Variants in AGBL4 observed in about 807,000 individuals in gnomAD.
AGBL4 encodes the protein AGBL carboxypeptidase 4, also known as cytosolic carboxypeptidase 6.
AGBL4 carries 58 observed loss-of-function variants against 66.4 expected under a neutral mutation model. That is an observed-to-expected ratio of 0.87 (90% CI 0.71 to 1.09). The LOEUF is 1.09. Ranked by LOEUF, AGBL4 falls within the 50% of genes least tolerant of loss-of-function variation. AGBL4 has a pLI of 0.00. For missense variants in AGBL4, 579 were observed against 631.0 expected (o/e 0.92, Z 0.88); for synonymous variants, 234 against 222.9 (o/e 1.05, Z -0.44).
At chr1:49,240,552 T>C (rs1651142311) in intron 4 of AGBL4, among the ~76,000 whole-genome samples, 1 of 2,494 alleles carries the variant, frequency 4.0e-4, no homozygotes, top group South Asian at 9.6e-3. Context: ...CTGCATTTTC[T>C]TTTTTTTTTT....
intron 4 of AGBL4, 120 bp from the exon 5 acceptor site, chr1:49,045,920 G>T (rs1644068291): frequency 1.2e-6 from 1 of 832,892 alleles, no homozygotes; most frequent in Admixed American, 2.8e-5. Context: ...GGGTGATGGG[G>T]CTGGGAGAAT....
intron 3 of AGBL4, among the ~76,000 whole-genome samples, chr1:49,615,963 A>G (rs908391129): frequency 2.6e-5 from 4 of 152,132 alleles, no homozygotes; most frequent in African/African-American, 9.7e-5. Flanking sequence ...CCTATTCCTC[A>G]TCTTACCACT....
chr1:50,005,278 G>C (rs563389610), intron 1 of AGBL4, among the ~76,000 whole-genome samples: 1 of 152,224 alleles, frequency 6.6e-6, no homozygotes, highest in South Asian at 2.1e-4. Flanking sequence ...CTCAGCTCCA[G>C]GCATCCCAAT....
chr1:49,529,101 G>A (rs1395816689), intron 3 of AGBL4, among the ~76,000 whole-genome samples: 1 of 152,060 alleles, frequency 6.6e-6, no homozygotes, highest in Non-Finnish European at 1.5e-5. Flanking sequence ...TGGGGGTGCA[G>A]GGCTGTAATC....
At chr1:49,229,520 C>A (rs1030710413) in intron 4 of AGBL4, among the ~76,000 whole-genome samples, 1 of 152,174 alleles carries the variant, frequency 6.6e-6, no homozygotes, top group East Asian at 1.9e-4. Context: ...GCATATTTAT[C>A]AGCAAATGTT....
intron 3 of AGBL4, among the ~76,000 whole-genome samples, chr1:49,343,057 T>C (rs1322422942): frequency 6.6e-6 from 1 of 152,170 alleles, no homozygotes; most frequent in Non-Finnish European, 1.5e-5. Context: ...TAAAAGACCT[T>C]TATGCTTTTT....
At position 48,708,082 on chromosome 1, in the gene AGBL4, T is replaced by C. The variant is rs375170362; in HGVS notation, c.635-44841A>G. Among the ~76,000 whole-genome samples, 4 of 152,300 alleles carry C rather than the reference T, an allele frequency of 2.6e-5. 1 individual carries two copies. The highest frequency in any genetic ancestry group is 9.6e-5 in the African/African-American group (4 of 41,566). On this transcript the variant is annotated intron_variant, in intron 6 of 13. Coordinates refer to ENST00000371839, the MANE Select transcript of AGBL4 (RefSeq NM_032785.4). ...GAGGCTTAGAGAGAGGTGAAAGGAT[T>C]TTCCAAGGTAACATGGGATTTTCCA... is the stretch of plus-strand genomic sequence containing the variant.
In AGBL4 at chr1:48,759,160, T is replaced by C. The variant is rs1644119668; in HGVS notation, c.635-95919A>G. 6.2e-7 allele frequency: 1 copy of C among 1,614,064 alleles called. No homozygotes were observed. The highest frequency in any genetic ancestry group is 1.7e-5 in the Admixed American group (1 of 60,000). ...CATGTCCTCTGTGCCTGGCGAGGCC[T>C]CCACGAAGACCTCTTCCGGACACGT... On this transcript the variant is annotated intron_variant, in intron 6 of 13. Coordinates refer to ENST00000371839, the MANE Select transcript of AGBL4 (RefSeq NM_032785.4).
At chr1:49,567,502 A>G (rs1644236829) in intron 3 of AGBL4, among the ~76,000 whole-genome samples, 1 of 152,182 alleles carries the variant, frequency 6.6e-6, no homozygotes, top group Non-Finnish European at 1.5e-5. Context: ...AATACTGTTA[A>G]ATTTTACTTA....
chr1:49,849,557 A>C (rs1170295155), intron 2 of AGBL4, among the ~76,000 whole-genome samples: 24 of 151,866 alleles, frequency 1.6e-4, no homozygotes, highest in Admixed American at 1.6e-3. Flanking sequence ...ATAAAATGTA[A>C]GAAAACTGGC....
intron 1 of AGBL4, among the ~76,000 whole-genome samples, chr1:50,006,955 C>A (rs1274014316): frequency 6.6e-6 from 1 of 152,108 alleles, no homozygotes; most frequent in African/African-American, 2.4e-5. Flanking sequence ...GGTACACAAA[C>A]TACTCCTATC....
At chr1:48,779,061 T>C (rs1172076542) in intron 6 of AGBL4, among the ~76,000 whole-genome samples, 1 of 152,222 alleles carries the variant, frequency 6.6e-6, no homozygotes, top group Non-Finnish European at 1.5e-5. Flanking sequence ...TGAGTTTTTA[T>C]TTTAAGAATA....
intron 1 of AGBL4, among the ~76,000 whole-genome samples, chr1:49,992,134 G>A (rs1659995706): frequency 6.6e-6 from 1 of 152,114 alleles, no homozygotes; most frequent in Non-Finnish European, 1.5e-5. Context: ...CACTTTGGGA[G>A]GTCAAGGCGG....
At chr1:49,787,970 A>G (rs1448990890) in intron 2 of AGBL4, among the ~76,000 whole-genome samples, 1 of 152,236 alleles carries the variant, frequency 6.6e-6, no homozygotes, top group African/African-American at 2.4e-5. Context: ...TAAACTATCT[A>G]AACAAGCAAG....
chr1:49,554,886 G>A (rs771189640), intron 3 of AGBL4, among the ~76,000 whole-genome samples: 10 of 151,908 alleles, frequency 6.6e-5, no homozygotes, highest in South Asian at 6.3e-4. Context: ...GGAGTTGTTC[G>A]TTCCTTCTGG....
intron 3 of AGBL4, among the ~76,000 whole-genome samples, chr1:49,508,854 T>G (rs1301812583): frequency 6.6e-6 from 1 of 151,902 alleles, no homozygotes; most frequent in African/African-American, 2.4e-5. Flanking sequence ...TAGCATTGAT[T>G]ACAGGCAATC....
chr1:49,330,643 T>C (rs1181448191), intron 3 of AGBL4, among the ~76,000 whole-genome samples: 1 of 152,186 alleles, frequency 6.6e-6, no homozygotes, highest in African/African-American at 2.4e-5. Context: ...AAGTTAAGAA[T>C]ATGAAAATTC....
chr1:50,021,833 C>T (rs1348534753), intron 1 of AGBL4, among the ~76,000 whole-genome samples: 1 of 152,114 alleles, frequency 6.6e-6, no homozygotes, highest in African/African-American at 2.4e-5. Context: ...CACTTAAAAG[C>T]CTTCAATGGC....
At position 49,245,999 on chromosome 1, in the gene AGBL4, A is replaced by G. The variant is rs1230661195; in HGVS notation, c.283-135T>C. Reference sequence around the variant, plus strand: ...AGGCAACTGTATAGTGAGAGTACACAGTGCTCATGAGAATGTAATGTGTTT... The same window carrying G: ...AGGCAACTGTATAGTGAGAGTACACGGTGCTCATGAGAATGTAATGTGTTT... On this transcript the variant is annotated intron_variant, in intron 3 of 13. Transcript: ENST00000371839. 4 of 600,876 alleles carry G rather than the reference A, an allele frequency of 6.7e-6. No homozygotes were observed. The East Asian group carries it at 1.1e-4, about 17-fold the overall frequency. The allele number at this position is 600,876 out of a possible 1,614,324, so 37.2% of individuals were successfully genotyped here. A position where few individuals can be genotyped will look rare whatever the true frequency, so the allele number is the denominator to read the frequency against.
Sources: allele counts gnomAD v4.1 joint callset (sites outside exome capture counted in the v4.1 genomes callset), GRCh38; gene constraint gnomAD v4.1.1; transcripts MANE v1.5; gene names NCBI Gene and HGNC (gene_info 2026-07-23, HGNC 2026-07-21).